The following GFRA1 variants were observed in gnomAD, a reference collection of about 807,000 sequenced individuals.
GFRA1 encodes the protein GDNF family receptor alpha-1.
GFRA1 carries 16 observed loss-of-function variants against 51.6 expected under a neutral mutation model. That is an observed-to-expected ratio of 0.31 (90% CI 0.21 to 0.47). The LOEUF (loss-of-function observed/expected upper bound fraction) is 0.47. Among genes scored for constraint, GFRA1 ranks in the 20% least tolerant of loss-of-function variants. GFRA1 has a pLI of 1.00. For synonymous variants in GFRA1, 270 were observed against 241.3 expected (o/e 1.12, Z -1.10); for missense variants, 530 against 594.3 (o/e 0.89, Z 1.13).
chr10:116,143,252 C>A lies in GFRA1; in HGVS notation c.434-17695G>T, dbSNP rs185177053. 4.5e-4 allele frequency among the ~76,000 whole-genome samples: 68 copies of A among 151,868 alleles called. 1 individual carries two copies. The highest frequency in any genetic ancestry group is 6.8e-3 in the Middle Eastern group (2 of 294). On this transcript the variant is annotated intron_variant, in intron 5 of 10. Coordinates refer to ENST00000355422, the MANE Select transcript of GFRA1 (RefSeq NM_005264.8). ...AGTATTTCAGAGACTTGTGATGAAC[C>A]ATTTCCTGAGGCTGGGTTTTAGGAT... is the stretch of plus-strand genomic sequence containing the variant.
At chr10:116,130,554 T>C (rs111952404) in intron 5 of GFRA1, among the ~76,000 whole-genome samples, 153 of 152,208 alleles carry the variant, frequency 1.0e-3, no homozygotes, top group African/African-American at 3.6e-3. Context: ...AGTATAGGCA[T>C]AGACAAATTG....
chr10:116,139,896 G>A (rs768352398), intron 5 of GFRA1, among the ~76,000 whole-genome samples: 6 of 152,226 alleles, frequency 3.9e-5, no homozygotes, highest in Non-Finnish European at 8.8e-5. Flanking sequence ...AAGACTTATA[G>A]GAAGCCAGAT....
At chr10:116,070,263 G>A (rs1465727956) in intron 9 of GFRA1, among the ~76,000 whole-genome samples, 2 of 152,188 alleles carry the variant, frequency 1.3e-5, no homozygotes, top group East Asian at 3.9e-4. Context: ...TACACAGACT[G>A]TAAAATGCAA....
intron 5 of GFRA1, among the ~76,000 whole-genome samples, chr10:116,190,939 A>T (rs1963202496): frequency 6.6e-6 from 1 of 152,234 alleles, no homozygotes; most frequent in Admixed American, 6.5e-5. Flanking sequence ...GAACAAGAAC[A>T]GGTAAAAGAT....
chr10:116,073,594 A>C (rs1029828870), intron 9 of GFRA1, among the ~76,000 whole-genome samples: 1 of 152,200 alleles, frequency 6.6e-6, no homozygotes, highest in Non-Finnish European at 1.5e-5. Flanking sequence ...CATTAATGGT[A>C]TAAAGGCAGC....
chr10:116,228,753 C>T (rs929096018), intron 4 of GFRA1, among the ~76,000 whole-genome samples: 2 of 151,582 alleles, frequency 1.3e-5, no homozygotes, highest in Non-Finnish European at 2.9e-5. Flanking sequence ...GAGGCCAAGG[C>T]GGGCAGATCA....
intron 6 of GFRA1, among the ~76,000 whole-genome samples, chr10:116,109,353 T>C (rs1307256935): frequency 1.3e-5 from 2 of 152,178 alleles, no homozygotes; most frequent in African/African-American, 4.8e-5. Flanking sequence ...GAAGCCCAAA[T>C]CTGATTTAGG....
chr10:116,144,137 A>G (rs1276747484), intron 5 of GFRA1, among the ~76,000 whole-genome samples: 1 of 152,182 alleles, frequency 6.6e-6, no homozygotes, highest in Non-Finnish European at 1.5e-5. Context: ...ATTCTGCTAG[A>G]CCATGTTTTA....
chr10:116,119,083 G>A (rs371753317), intron 6 of GFRA1, among the ~76,000 whole-genome samples: 2 of 152,190 alleles, frequency 1.3e-5, no homozygotes, highest in African/African-American at 2.4e-5. Context: ...AGCTGATAGA[G>A]CTCTGCTGCT....
chr10:116,207,276 C>G (rs1338775013), intron 5 of GFRA1, among the ~76,000 whole-genome samples: 1 of 152,252 alleles, frequency 6.6e-6, no homozygotes, highest in Admixed American at 6.5e-5. Flanking sequence ...AATCACCTGT[C>G]ACCAATCTGA....
intron 4 of GFRA1, among the ~76,000 whole-genome samples, chr10:116,257,841 G>A (rs1051609569): frequency 6.6e-6 from 1 of 152,128 alleles, no homozygotes; most frequent in African/African-American, 2.4e-5. Flanking sequence ...TGACAAACCT[G>A]CCTCTCTGCT....
chr10:116,225,544 A>G (rs990277945), intron 4 of GFRA1, among the ~76,000 whole-genome samples: 21 of 149,290 alleles, frequency 1.4e-4, no homozygotes, highest in Non-Finnish European at 1.6e-4. Flanking sequence ...CAAAAAAAAA[A>G]AAAAAAAAAA....
At chr10:116,158,095 T>G (rs1007538405) in intron 5 of GFRA1, among the ~76,000 whole-genome samples, 1 of 152,202 alleles carries the variant, frequency 6.6e-6, no homozygotes, top group Non-Finnish European at 1.5e-5. Flanking sequence ...TCCTCAGGAA[T>G]AGTCCCTGAA....
At chr10:116,204,417 C>A (rs895525177) in intron 5 of GFRA1, among the ~76,000 whole-genome samples, 4 of 152,220 alleles carry the variant, frequency 2.6e-5, no homozygotes, top group Non-Finnish European at 5.9e-5. Context: ...AGAAAGGACA[C>A]CCTGGTAGCA....
intron 5 of GFRA1, among the ~76,000 whole-genome samples, chr10:116,205,299 C>T (rs1356861800): frequency 1.3e-5 from 2 of 152,016 alleles, no homozygotes; most frequent in African/African-American, 4.8e-5. Context: ...TAAAAGGGGC[C>T]GGGCACGGTG....
intron 6 of GFRA1, among the ~76,000 whole-genome samples, chr10:116,103,299 A>G (rs1308908993): frequency 6.6e-6 from 1 of 152,184 alleles, no homozygotes; most frequent in African/African-American, 2.4e-5. Flanking sequence ...CTATCCCTTC[A>G]TATGTTCTCC....
intron 6 of GFRA1, among the ~76,000 whole-genome samples, chr10:116,118,139 T>C (rs969690382): frequency 1.3e-5 from 2 of 152,222 alleles, no homozygotes; most frequent in Non-Finnish European, 2.9e-5. Context: ...GATTTAGTCA[T>C]GTTTTAAATG....
intron 9 of GFRA1, among the ~76,000 whole-genome samples, chr10:116,087,227 C>G (rs1481131966): frequency 6.6e-6 from 1 of 151,790 alleles, no homozygotes; most frequent in Non-Finnish European, 1.5e-5. Flanking sequence ...GGCAAAGCCA[C>G]ATACTGCACT....
chr10:116,097,068 T>C (rs1956627194), intron 6 of GFRA1, among the ~76,000 whole-genome samples: 1 of 152,124 alleles, frequency 6.6e-6, no homozygotes, highest in Non-Finnish European at 1.5e-5. Flanking sequence ...CTTTGAAGTT[T>C]CCATTCAATA....
Sources: allele counts gnomAD v4.1 joint callset (sites outside exome capture counted in the v4.1 genomes callset), GRCh38; gene constraint gnomAD v4.1.1; transcripts MANE v1.5; gene names NCBI Gene and HGNC (gene_info 2026-07-23, HGNC 2026-07-21).